The following LRRK2 variants were observed in gnomAD, a reference collection of about 807,000 sequenced individuals.
The protein encoded by LRRK2 is leucine-rich repeat serine/threonine-protein kinase 2.
A neutral mutation model predicts 302.6 loss-of-function variants in LRRK2; 203 were observed. The observed-to-expected ratio is 0.67, with a 90% confidence interval of 0.60 to 0.75. LRRK2 has a LOEUF of 0.75. LRRK2 is among the 30% of genes least tolerant of loss of function. The probability of loss-of-function intolerance (pLI) is 0.00; values close to 1 mark genes in which losing one functional copy is unlikely to be tolerated. For missense variants in LRRK2, 2,830 were observed against 2,951.0 expected (o/e 0.96, Z 0.95); for synonymous variants, 1,066 against 1,031.9 (o/e 1.03, Z -0.63).
At chr12:40,367,370 A>G in intron 50 of LRRK2, 1 of 411,650 alleles carries the variant, frequency 2.4e-6, no homozygotes, top group South Asian at 4.2e-5. Flanking sequence ...CTAATTTTGA[A>G]CAGTGTTTGA....
intron 3 of LRRK2, among the ~76,000 whole-genome samples, chr12:40,234,369 C>CTTTTTTTT (rs35906443): frequency 4.6e-5 from 2 of 43,042 alleles, no homozygotes; most frequent in Admixed American, 2.2e-4. Context: ...GCTAAATTCA[C>CTTTTTTTT]TTTTTTTTTT....
intron 32 of LRRK2, 152 bp from the exon 33 acceptor site, chr12:40,315,060 T>C: frequency 2.9e-6 from 2 of 694,174 alleles, no homozygotes; most frequent in South Asian, 3.1e-5. Flanking sequence ...CTTTAGACCA[T>C]AGGATGCACA....
At chr12:40,309,078 A>C in intron 29 of LRRK2, 28 bp from the exon 30 acceptor site, 1 of 1,611,698 alleles carries the variant, frequency 6.2e-7, no homozygotes, top group Non-Finnish European at 8.5e-7. Context: ...TGAAAGATTA[A>C]AAAAATTTGT....
intron 4 of LRRK2, among the ~76,000 whole-genome samples, chr12:40,236,482 G>T (rs1388060736): frequency 5.9e-5 from 9 of 152,158 alleles, no homozygotes; most frequent in African/African-American, 1.7e-4. Flanking sequence ...CAACAGTTGT[G>T]GGCATTGCTG....
At chr12:40,288,429 C>A (rs1311194132) in intron 20 of LRRK2, among the ~76,000 whole-genome samples, 2 of 151,814 alleles carry the variant, frequency 1.3e-5, no homozygotes, top group African/African-American at 4.8e-5. Context: ...CCCTGGCCCC[C>A]CTGACCCTTA....
chr12:40,264,729 T>C (rs757370260), intron 14 of LRRK2, among the ~76,000 whole-genome samples: 15 of 152,248 alleles, frequency 9.9e-5, no homozygotes, highest in Non-Finnish European at 2.2e-4. Context: ...TTGGTATACA[T>C]TGTTTCCATT....
intron 3 of LRRK2, 74 bp downstream of exon 3, chr12:40,232,457 A>T (rs1275757108): frequency 1.6e-5 from 17 of 1,068,772 alleles, no homozygotes; most frequent in Non-Finnish European, 2.5e-5. Flanking sequence ...CCCTTGATAC[A>T]CTGTGTTTGC....
At chr12:40,252,312 TTAA>T (rs1471779132) in intron 10 of LRRK2, among the ~76,000 whole-genome samples, 37 of 152,174 alleles carry the variant, frequency 2.4e-4, no homozygotes, top group African/African-American at 8.4e-4. Flanking sequence ...AAGAAGGGAA[TTAA>T]TAACACAGAT....
Position 40,272,655 on chromosome 12 carries a change from G to A in LRRK2, c.1657-1928G>A, listed in dbSNP as rs529737716. Among the ~76,000 whole-genome samples the A allele has an allele frequency of 2.6e-5, 4 of 152,128 alleles. No individual in the cohort carries two copies. The South Asian group carries it at 6.2e-4, about 24-fold the overall frequency. On this transcript the variant is annotated intron_variant, in intron 14 of 50. Coordinates refer to ENST00000298910, the MANE Select transcript of LRRK2 (RefSeq NM_198578.4). ...GAAAGAACTTTGGGCAGGGTTTGGA[G>A]GTAAAAGAAGACATTGTAAAGGAGA...
intron 40 of LRRK2, among the ~76,000 whole-genome samples, chr12:40,339,969 G>A (rs1945986912): frequency 6.6e-6 from 1 of 152,124 alleles, no homozygotes; most frequent in East Asian, 1.9e-4. Context: ...ATCATTGAGA[G>A]AATTCAGAAT....
chr12:40,252,058 C>G (rs1942298252), intron 10 of LRRK2, among the ~76,000 whole-genome samples: 1 of 152,128 alleles, frequency 6.6e-6, no homozygotes, highest in Non-Finnish European at 1.5e-5. Flanking sequence ...GAGTGCCATT[C>G]AAACATCATA....
At position 40,356,136 on chromosome 12, in the gene LRRK2, G is replaced by T; in HGVS notation, c.6792G>T (p.Leu2264Phe). The change falls in exon 46 of 51, where the codon TTG becomes TTT. Residue 2264 changes from leucine to phenylalanine, a missense_variant. By Grantham distance (22) the Leu-to-Phe change is conservative. Around this residue, in one of 3 missense-constraint regions of LRRK2, gnomAD observed 456 missense variants for 456.3 expected, o/e 1.00. Transcript: ENST00000298910. ...SKQSKQKNFL[L>F]VGTADGKLAI... ...TTAGCAAACAAAAAAATTTTCTTTT[G>T]GTTGGAACCGCTGATGGCAAGTTAG... 1 of 1,611,896 alleles carries T rather than the reference G, an allele frequency of 6.2e-7. No individual in the cohort carries two copies. The highest frequency in any genetic ancestry group is 1.7e-5 in the Admixed American group (1 of 59,890).
chr12:40,310,691 T>C (rs1460352767), intron 31 of LRRK2, 42 bp downstream of exon 31: 2 of 1,589,458 alleles, frequency 1.3e-6, no homozygotes, highest in African/African-American at 2.7e-5. Context: ...TTATTGATTC[T>C]CAACTGCCTA....
intron 7 of LRRK2, among the ~76,000 whole-genome samples, chr12:40,249,147 G>GTT (rs906140544): frequency 1.2e-4 from 19 of 152,194 alleles, no homozygotes; most frequent in African/African-American, 4.3e-4. Context: ...CTTGGTAACT[G>GTT]TTAGTGAGTT....
chr12:40,334,103 C>G (rs558967775), intron 39 of LRRK2, among the ~76,000 whole-genome samples: 1 of 152,032 alleles, frequency 6.6e-6, no homozygotes, highest in Non-Finnish European at 1.5e-5. Flanking sequence ...CTTTTGTAGT[C>G]GTTAAACCAG....
At chr12:40,240,944 A>G (rs1046273359) in intron 6 of LRRK2, among the ~76,000 whole-genome samples, 1 of 152,166 alleles carries the variant, frequency 6.6e-6, no homozygotes, top group Non-Finnish European at 1.5e-5. Flanking sequence ...GAGTTAGGAG[A>G]TCAAATAGGA....
intron 41 of LRRK2, among the ~76,000 whole-genome samples, chr12:40,341,168 AG>A (rs1946030456): frequency 1.5e-5 from 2 of 136,106 alleles, no homozygotes; most frequent in South Asian, 5.0e-4. Context: ...TAAATCATTT[AG>A]GGGTTGGCAT....
rs1468477823 is a variant in LRRK2 at position 40,259,345 on chromosome 12, A to T, written c.1419-135A>T. ...AAAATTATGTATGCTCATACTACTG[A>T]TTTCAAATGCATTTTCATATAGTCT... On this transcript the variant is annotated intron_variant, in intron 12 of 50. Coordinates refer to ENST00000298910, the MANE Select transcript of LRRK2 (RefSeq NM_198578.4). 3 of 1,079,236 alleles carry T rather than the reference A, an allele frequency of 2.8e-6. No individual in the cohort carries two copies. The East Asian group carries it at 7.5e-5, about 27-fold the overall frequency. The allele number at this position is 1,079,236 out of a possible 1,614,324, so 66.9% of individuals were successfully genotyped here.
intron 41 of LRRK2, among the ~76,000 whole-genome samples, chr12:40,346,050 A>T (rs7312497): frequency 0.77 from 116,809 of 152,072 alleles, 45,709 homozygotes; most frequent in Non-Finnish European, 0.86. Context: ...CTTTAGGTTG[A>T]TTATATTTTT....
Sources: allele counts gnomAD v4.1 joint callset (sites outside exome capture counted in the v4.1 genomes callset), GRCh38; gene constraint gnomAD v4.1.1; regional missense constraint gnomAD v4.1.1; transcripts MANE v1.5; gene names NCBI Gene and HGNC (gene_info 2026-07-23, HGNC 2026-07-21).